Variants in EBF3 observed in about 807,000 individuals in gnomAD.
EBF3 encodes the protein EBF transcription factor 3, also known as transcription factor COE3.
A neutral mutation model predicts 77.1 loss-of-function variants in EBF3; 18 were observed. The observed-to-expected ratio is 0.23, with a 90% confidence interval of 0.16 to 0.35. EBF3 has a LOEUF of 0.35. Ranked by LOEUF, EBF3 falls within the 10% of genes least tolerant of loss-of-function variation. EBF3 has a pLI of 1.00. For missense variants in EBF3, 558 were observed against 860.0 expected, an observed-to-expected ratio of 0.65 and a Z score of 4.39; for synonymous variants, 350 against 343.5, an observed-to-expected ratio of 1.02 and a Z score of -0.21.
chr10:129,900,736 T>C (rs1397953415), intron 6 of EBF3, among the ~76,000 whole-genome samples: 1 of 152,270 alleles, frequency 6.6e-6, no homozygotes, highest in Non-Finnish European at 1.5e-5. Flanking sequence ...AGGAGCACCG[T>C]AGCGGGGGTG....
At chr10:129,960,653 T>G (rs1296404119) in intron 4 of EBF3, among the ~76,000 whole-genome samples, 1 of 126,854 alleles carries the variant, frequency 7.9e-6, no homozygotes, top group Non-Finnish European at 1.6e-5. Context: ...TTTTTGCCCC[T>G]CCATGCCCGT....
At chr10:129,932,807 G>A (rs527684646) in intron 6 of EBF3, among the ~76,000 whole-genome samples, 5 of 152,028 alleles carry the variant, frequency 3.3e-5, no homozygotes, top group East Asian at 3.8e-4. Flanking sequence ...GCCGAGCTTC[G>A]GAACAATTAA....
intron 7 of EBF3, among the ~76,000 whole-genome samples, chr10:129,877,481 C>CA (rs10541156): frequency 0.018 from 1,369 of 77,114 alleles, 16 homozygotes; most frequent in East Asian, 0.065. Flanking sequence ...ACTCTGTCTC[C>CA]AAAAAAAAAA....
rs930681493 is a variant in EBF3, at chr10:129,879,942, G to A, written c.555-2093C>T. Among the ~76,000 whole-genome samples, 3 of 152,066 alleles carry A rather than the reference G, an allele frequency of 2.0e-5. No individual in the cohort carries two copies. The highest frequency in any genetic ancestry group is 2.1e-4 in the South Asian group (1 of 4,808). ...CCAGCTAATCTTCGGAGCAGGCGCC[G>A]GCCCGAGAAGCTGCTCATCTGCAAA... On this transcript the variant is annotated intron_variant, in intron 6 of 16. Coordinates refer to ENST00000440978, the MANE Select transcript of EBF3 (RefSeq NM_001375380.1). This position sits in a 1 kb window ranked among gnomAD's most constrained non-coding sequence, Gnocchi z 4.7.
In EBF3 at chr10:129,944,191, G is replaced by A. The variant is rs1858004916; in HGVS notation, c.554+13067C>T. On this transcript the variant is annotated intron_variant, in intron 6 of 16. Coordinates refer to ENST00000440978, the MANE Select transcript of EBF3 (RefSeq NM_001375380.1). This position sits in a 1 kb window ranked among gnomAD's most constrained non-coding sequence, Gnocchi z 5.1. ...AACAAGAATAAAATCAATTTGCAAGGCCGGTCCGGCATCCAGTTACAATAA... is the reference window on the plus strand; with the variant it reads ...AACAAGAATAAAATCAATTTGCAAGACCGGTCCGGCATCCAGTTACAATAA... Among the ~76,000 whole-genome samples the A allele has an allele frequency of 6.6e-6, 1 of 152,052 alleles. No individual in the cohort carries two copies. The highest frequency in any genetic ancestry group is 6.6e-5 in the Admixed American group (1 of 15,254).
chr10:129,886,075 A>C (rs1853565188), intron 6 of EBF3, among the ~76,000 whole-genome samples: 2 of 135,408 alleles, frequency 1.5e-5, no homozygotes, highest in Non-Finnish European at 1.5e-5. Context: ...TCCCATCTCC[A>C]AGTGGGAAAG....
rs543065962 is a variant in EBF3 at position 129,861,323 on chromosome 10, G to C, written c.1039+5818C>G. ...GGCACAGATGCACGCCACCCCACTTGGTACGAAAAAAAAAGTCACCCTTTG... is the reference window on the plus strand; with the variant it reads ...GGCACAGATGCACGCCACCCCACTTCGTACGAAAAAAAAAGTCACCCTTTG... On this transcript the variant is annotated intron_variant, in intron 10 of 16. Coordinates refer to ENST00000440978, the MANE Select transcript of EBF3 (RefSeq NM_001375380.1). This position sits in a 1 kb window ranked among gnomAD's most constrained non-coding sequence, Gnocchi z 4.3. Among the ~76,000 whole-genome samples, 3 of 150,644 alleles carry C rather than the reference G, an allele frequency of 2.0e-5. No homozygotes were observed. The East Asian group carries it at 5.8e-4, about 29-fold the overall frequency.
intron 6 of EBF3, among the ~76,000 whole-genome samples, chr10:129,900,931 C>A (rs1304440517): frequency 6.6e-6 from 1 of 152,234 alleles, no homozygotes; most frequent in African/African-American, 2.4e-5. Flanking sequence ...TCACCCAACA[C>A]CCATAGAGCC....
intron 10 of EBF3, among the ~76,000 whole-genome samples, chr10:129,853,611 A>T (rs1377555336): frequency 1.3e-5 from 2 of 152,238 alleles, no homozygotes; most frequent in African/African-American, 4.8e-5. Context: ...GTTAAATAAG[A>T]TATAGTATAT....
rs1014001154 is a variant in EBF3, at chr10:129,840,837, C to T, written c.1561+7G>A. The T allele has an allele frequency of 1.2e-6, 2 of 1,609,110 alleles. No individual in the cohort carries two copies. Among genetic ancestry groups the T allele is most frequent in the Admixed American group, 1.7e-5 (1 of 59,582 alleles). ...CGTGATGACGTGTGACAAAAACAGA[C>T]ACTTACTGCCGTAGGGAGAGTTAGC... On this transcript the variant is annotated splice_region_variant and intron_variant, in intron 14 of 16. Coordinates refer to ENST00000440978, the MANE Select transcript of EBF3 (RefSeq NM_001375380.1).
chr10:129,923,511 C>T (rs1017577339), intron 6 of EBF3, among the ~76,000 whole-genome samples: 1 of 152,204 alleles, frequency 6.6e-6, no homozygotes, highest in Non-Finnish European at 1.5e-5. Flanking sequence ...GAGATTTCAA[C>T]AAAGGTGCTA....
At chr10:129,913,228 C>G (rs1007114633) in intron 6 of EBF3, among the ~76,000 whole-genome samples, 1 of 152,236 alleles carries the variant, frequency 6.6e-6, no homozygotes, top group African/African-American at 2.4e-5. Context: ...GCAAAGAAAA[C>G]AGCATAAAGA....
chr10:129,963,714 G>A lies in EBF3; in HGVS notation c.55C>T (p.Pro19Ser), dbSNP rs761580651. 2.6e-6 allele frequency: 4 copies of A among 1,536,038 alleles called. No individual in the cohort carries two copies. Among genetic ancestry groups the A allele is most frequent in the African/African-American group, 1.4e-5 (1 of 69,846 alleles). ...PRGGTTMKEE[P>S]LGSGMNPVRS... The stretch of plus-strand genomic sequence containing the variant: ...ACCGGGTTCATGCCGCTGCCCAGCG[G>A]CTCCTCCTTCATGGTCGTCCCCCCG... The change falls in exon 1 of 17, where the codon CCG (proline) becomes TCG (serine). Residue 19 changes from proline (P) to serine (S), a missense_variant. Transcript: ENST00000440978. The surrounding 1 kb of genome is among the most constrained non-coding windows in gnomAD (Gnocchi z 7.1).
chr10:129,901,849 G>T (rs1287771954), intron 6 of EBF3, among the ~76,000 whole-genome samples: 1 of 152,212 alleles, frequency 6.6e-6, no homozygotes, highest in Non-Finnish European at 1.5e-5. Flanking sequence ...GGGGACCCTT[G>T]ACTGACAGCA....
chr10:129,862,189 T>C (rs1193974372), intron 10 of EBF3, among the ~76,000 whole-genome samples: 1 of 152,192 alleles, frequency 6.6e-6, no homozygotes, highest in African/African-American at 2.4e-5. Context: ...CCATAAATAC[T>C]GTATCAGAAA....
chr10:129,932,785 A>C (rs7920656), intron 6 of EBF3, among the ~76,000 whole-genome samples: 1,710 of 152,286 alleles, frequency 0.011, 37 homozygotes, highest in African/African-American at 0.04. Flanking sequence ...CCGGCATGTG[A>C]CCAGGCAGGA....
chr10:129,865,392 A>G (rs1437741934), intron 10 of EBF3, among the ~76,000 whole-genome samples: 2 of 152,112 alleles, frequency 1.3e-5, no homozygotes, highest in African/African-American at 4.8e-5. Context: ...AACCTAGAGG[A>G]GCAGCCCTCT....
At chr10:129,880,787 C>T (rs1231210173) in intron 6 of EBF3, among the ~76,000 whole-genome samples, 3 of 152,190 alleles carry the variant, frequency 2.0e-5, no homozygotes, top group African/African-American at 7.2e-5. Context: ...AAGAGCTCTG[C>T]GCTTACCTCT....
At chr10:129,922,311 T>C (rs932624814) in intron 6 of EBF3, among the ~76,000 whole-genome samples, 2 of 151,962 alleles carry the variant, frequency 1.3e-5, no homozygotes, top group African/African-American at 2.4e-5. Context: ...AGGATGGAGA[T>C]AGTGTCCCAA....
Sources: gnomAD v4.1 joint callset for allele counts (sites outside exome capture counted in the v4.1 genomes callset) on GRCh38, gnomAD v4.1.1 for gene constraint, Gnocchi (gnomAD v3.1) non-coding constraint, MANE v1.5 for transcripts, NCBI Gene and HGNC (gene_info 2026-07-23, HGNC 2026-07-21) for gene names.